The following KLF12 variants were observed in gnomAD, a reference collection of about 807,000 sequenced individuals.
The protein encoded by KLF12 is Krueppel-like factor 12.
In KLF12, 9 loss-of-function variants were observed where a neutral mutation model predicts 37.8. The ratio of observed to expected loss-of-function variants is 0.24; its 90% CI spans 0.14 to 0.42. KLF12 has a LOEUF of 0.42. Among genes scored for constraint, KLF12 ranks in the 10% least tolerant of loss-of-function variants. The probability of loss-of-function intolerance (pLI) is 1.00; values close to 1 mark genes in which losing one functional copy is unlikely to be tolerated. For synonymous variants in KLF12, 208 were observed against 202.1 expected (o/e 1.03, Z -0.25); for missense variants, 411 against 516.0 (o/e 0.80, Z 1.97).
intron 5 of KLF12, among the ~76,000 whole-genome samples, chr13:73,792,192 A>C (rs1048603761): frequency 6.6e-6 from 1 of 152,142 alleles, no homozygotes; most frequent in Non-Finnish European, 1.5e-5. Context: ...TAACCCACCA[A>C]TGTATACTCA....
intron 2 of KLF12, among the ~76,000 whole-genome samples, chr13:73,946,124 G>A (rs1302453698): frequency 6.6e-6 from 1 of 152,138 alleles, no homozygotes; most frequent in Non-Finnish European, 1.5e-5. Context: ...CACCCTGTAG[G>A]CTGTTTGGCT....
At chr13:74,255,167 C>G in the KLF12 span, among the ~76,000 whole-genome samples, 1 of 152,064 alleles carries the variant, frequency 6.6e-6, no homozygotes. Context: ...AAGGAAGGGA[C>G]CATTTTTATT....
chr13:73,951,432 T>A (rs750939199), intron 2 of KLF12, among the ~76,000 whole-genome samples: 2 of 152,190 alleles, frequency 1.3e-5, no homozygotes, highest in African/African-American at 2.4e-5. Flanking sequence ...AAAATGACAA[T>A]GAGTCTAAAT....
At chr13:74,035,978 T>C (rs1380490996) in intron 1 of KLF12, among the ~76,000 whole-genome samples, 2 of 152,178 alleles carry the variant, frequency 1.3e-5, no homozygotes, top group Non-Finnish European at 2.9e-5. Context: ...ACAGGTCTAG[T>C]GGTAGAAGGA....
At chr13:73,748,701 T>C (rs1191294725) in intron 6 of KLF12, among the ~76,000 whole-genome samples, 1 of 152,174 alleles carries the variant, frequency 6.6e-6, no homozygotes, top group Non-Finnish European at 1.5e-5. Flanking sequence ...GGCCAAGTTA[T>C]GCCAAATACA....
intron 1 of KLF12, among the ~76,000 whole-genome samples, chr13:74,025,424 G>A (rs761901056): frequency 2.0e-5 from 3 of 151,938 alleles, no homozygotes; most frequent in African/African-American, 7.2e-5. Flanking sequence ...GTTGCTAATC[G>A]ACTCATAAAG....
chr13:74,195,055 G>C, the KLF12 span, among the ~76,000 whole-genome samples: 1 of 152,130 alleles, frequency 6.6e-6, no homozygotes, highest in Non-Finnish European at 1.5e-5. Context: ...CAGGAGCTTT[G>C]GCACCAGAAA....
At chr13:74,267,283 C>T in the KLF12 span, among the ~76,000 whole-genome samples, 1 of 152,174 alleles carries the variant, frequency 6.6e-6, no homozygotes, top group Non-Finnish European at 1.5e-5. Context: ...TGAGTAGCTT[C>T]TAAATCCATC....
At chr13:73,977,851 G>T (rs1400129200) in intron 2 of KLF12, among the ~76,000 whole-genome samples, 1 of 152,184 alleles carries the variant, frequency 6.6e-6, no homozygotes, top group Non-Finnish European at 1.5e-5. Flanking sequence ...ACAAAGGTGC[G>T]AAGGCAATAA....
intron 3 of KLF12, among the ~76,000 whole-genome samples, chr13:73,890,017 T>A (rs1269158620): frequency 1.3e-5 from 2 of 152,132 alleles, no homozygotes; most frequent in African/African-American, 4.8e-5. Context: ...CTATGATAAT[T>A]TGATTTATGA....
At chr13:73,826,430 C>T (rs1246610692) in intron 4 of KLF12, among the ~76,000 whole-genome samples, 1 of 152,146 alleles carries the variant, frequency 6.6e-6, no homozygotes, top group Non-Finnish European at 1.5e-5. Flanking sequence ...CTCATTAACT[C>T]GCTTATAAAC....
At position 73,896,871 on chromosome 13, in the gene KLF12, T is replaced by C. The variant is rs552380622; in HGVS notation, c.123+47110A>G. Among the ~76,000 whole-genome samples, 43 of 152,320 alleles carry C rather than the reference T, an allele frequency of 2.8e-4. 1 individual carries two copies. The Middle Eastern group carries it at 0.014, about 48-fold the overall frequency. On this transcript the variant is annotated intron_variant, in intron 3 of 7. Coordinates refer to ENST00000377669, the MANE Select transcript of KLF12 (RefSeq NM_007249.5). Reference sequence around the variant, plus strand: ...CAAGAAAATGATAGAGATGAGTATTTGGAACGTTGAAGACTTTCCTTTTAT... The same window carrying C: ...CAAGAAAATGATAGAGATGAGTATTCGGAACGTTGAAGACTTTCCTTTTAT...
intron 1 of KLF12, among the ~76,000 whole-genome samples, chr13:74,095,867 T>C (rs1352143013): frequency 6.6e-6 from 1 of 152,162 alleles, no homozygotes; most frequent in Non-Finnish European, 1.5e-5. Flanking sequence ...ATTGTTGGGG[T>C]GTGTAGGGTT....
intron 6 of KLF12, 29 bp downstream of exon 6, chr13:73,764,909 C>G: frequency 1.5e-6 from 2 of 1,320,630 alleles, no homozygotes; most frequent in Non-Finnish European, 2.2e-6. Flanking sequence ...GTAAGACCTA[C>G]AAATACTCAT....
chr13:73,940,362 A>G (rs188921284), intron 3 of KLF12, among the ~76,000 whole-genome samples: 303 of 152,288 alleles, frequency 2.0e-3, no homozygotes, highest in Non-Finnish European at 2.8e-3. Flanking sequence ...CCGAAGTCAC[A>G]TTTCAGGTGA....
the KLF12 span, among the ~76,000 whole-genome samples, chr13:74,149,335 C>T: frequency 6.6e-6 from 1 of 152,124 alleles, no homozygotes; most frequent in Non-Finnish European, 1.5e-5. Flanking sequence ...CAGATTTTAC[C>T]TGACTCTATT....
At chr13:73,951,540 G>C (rs751588903) in intron 2 of KLF12, among the ~76,000 whole-genome samples, 1 of 152,186 alleles carries the variant, frequency 6.6e-6, no homozygotes, top group African/African-American at 2.4e-5. Context: ...GCCTAGAACT[G>C]TGCAAGCAAC....
At position 73,944,065 on chromosome 13, in the gene KLF12, G is replaced by C; in HGVS notation, c.39C>G (p.Ile13Met). 6.3e-7 allele frequency: 1 copy of C among 1,596,094 alleles called. No individual in the cohort carries two copies. ...TTAACATTCTGTTCTCAAAGGTGTTGATATTCTGAGAATAGAAGGGAGAGA... is the reference window on the plus strand; with the variant it reads ...TTAACATTCTGTTCTCAAAGGTGTTCATATTCTGAGAATAGAAGGGAGAGA... The change falls in exon 3 of 8, where the codon ATC (isoleucine) becomes ATG (methionine). Residue 13 changes from isoleucine to methionine, a missense_variant. Physicochemically the swap from Ile to Met is conservative, Grantham distance 10 (BLOSUM62 1). This residue lies in a region of KLF12 where 351 missense variants were observed against 397.8 expected (regional missense o/e 0.88). Coordinates refer to ENST00000377669, the MANE Select transcript of KLF12 (RefSeq NM_007249.5).
At chr13:74,143,204 CT>C in the KLF12 span, among the ~76,000 whole-genome samples, 11 of 150,500 alleles carry the variant, frequency 7.3e-5, no homozygotes, top group African/African-American at 2.7e-4. Context: ...CTCTTTCTTA[CT>C]CTCTCTCTCT....
Sources: gnomAD v4.1 joint callset for allele counts (sites outside exome capture counted in the v4.1 genomes callset) on GRCh38, gnomAD v4.1.1 for gene constraint, gnomAD v4.1.1 regional missense constraint, MANE v1.5 for transcripts, NCBI Gene and HGNC (gene_info 2026-07-23, HGNC 2026-07-21) for gene names.